The following ZNF451 variants were observed in gnomAD, a reference collection of about 807,000 sequenced individuals.
ZNF451 encodes the protein zinc finger protein 451.
In ZNF451, 80 loss-of-function variants were observed where a neutral mutation model predicts 107.1. That is an observed-to-expected ratio of 0.75 (90% CI 0.62 to 0.90). ZNF451 has a LOEUF of 0.90. Among genes scored for constraint, ZNF451 ranks in the 40% least tolerant of loss-of-function variants. The pLI, the probability that ZNF451 is intolerant of heterozygous loss-of-function variation, is 0.00. For synonymous variants in ZNF451, 362 were observed against 406.5 expected, an observed-to-expected ratio of 0.89 and a Z score of 1.32; for missense variants, 1,107 against 1,236.2, an observed-to-expected ratio of 0.90 and a Z score of 1.57.
intron 12 of ZNF451, 131 bp downstream of exon 12, chr6:57,152,482 G>A: frequency 2.9e-6 from 3 of 1,033,430 alleles, no homozygotes; most frequent in Non-Finnish European, 4.2e-6. Context: ...CTATTATGAA[G>A]GCAGGACCCC....
intron 3 of ZNF451, chr6:57,099,372 A>G: frequency 1.5e-6 from 1 of 671,206 alleles, no homozygotes. Flanking sequence ...TGGGAAATTC[A>G]GAGCCTTAGA....
intron 9 of ZNF451, among the ~76,000 whole-genome samples, chr6:57,146,347 T>C (rs1020841158): frequency 4.6e-5 from 7 of 152,180 alleles, no homozygotes; most frequent in African/African-American, 1.7e-4. Flanking sequence ...ATTTTTTGCC[T>C]AGGCCATTGT....
intron 7 of ZNF451, among the ~76,000 whole-genome samples, chr6:57,138,180 G>A (rs1001091242): frequency 6.6e-5 from 10 of 151,750 alleles, no homozygotes; most frequent in Non-Finnish European, 1.2e-4. Flanking sequence ...CTAGTGCACT[G>A]CACCATTTTA....
chr6:57,119,452 A>C (rs1830529918), intron 3 of ZNF451, among the ~76,000 whole-genome samples: 1 of 152,106 alleles, frequency 6.6e-6, no homozygotes, highest in Non-Finnish European at 1.5e-5. Flanking sequence ...TGAACCTGGG[A>C]GGCAGAGGTT....
intron 13 of ZNF451, among the ~76,000 whole-genome samples, chr6:57,158,358 C>T (rs537260877): frequency 4.0e-5 from 6 of 149,088 alleles, no homozygotes; most frequent in South Asian, 2.1e-4. Flanking sequence ...AGGAAGAATG[C>T]GCTTTTTTTT....
At chr6:57,104,835 G>GT in intron 3 of ZNF451, 4 of 985,354 alleles carry the variant, frequency 4.1e-6, no homozygotes, top group Non-Finnish European at 4.8e-6. Context: ...CAGATACTCT[G>GT]TTTTCCTGGA....
intron 14 of ZNF451, chr6:57,164,950 C>G (rs1763830748): frequency 6.6e-6 from 1 of 152,172 alleles, no homozygotes; most frequent in African/African-American, 2.4e-5. Context: ...TAATTTCAAT[C>G]TGAGAGATTC....
chr6:57,099,575 G>C, intron 3 of ZNF451: 2 of 712,976 alleles, frequency 2.8e-6, no homozygotes, highest in African/African-American at 1.7e-5. Context: ...AATGGAAAGT[G>C]GGGGAAGGGT....
chr6:57,099,378 T>G (rs1829478361), intron 3 of ZNF451: 1 of 698,140 alleles, frequency 1.4e-6, no homozygotes, highest in Non-Finnish European at 2.6e-6. Context: ...ATTCAGAGCC[T>G]TAGAGGTGAT....
chr6:57,105,184 C>T (rs905055340), intron 3 of ZNF451: 4 of 985,164 alleles, frequency 4.1e-6, no homozygotes, highest in African/African-American at 1.7e-5. Context: ...CAACCTCTAA[C>T]GTTTAAATAC....
chr6:57,139,879 CA>C (rs768380589), intron 7 of ZNF451, among the ~76,000 whole-genome samples: 2 of 151,792 alleles, frequency 1.3e-5, no homozygotes. Flanking sequence ...CTTGCCTTTA[CA>C]AAAAATAAAA....
At chr6:57,105,906 G>A (rs1016290503) in intron 3 of ZNF451, 18 of 983,906 alleles carry the variant, frequency 1.8e-5, no homozygotes, top group Admixed American at 6.2e-5. Flanking sequence ...TTTTTAAACC[G>A]TGTGGCAGCT....
chr6:57,151,186 C>A (rs1189608999), intron 11 of ZNF451: 2 of 175,478 alleles, frequency 1.1e-5, no homozygotes, highest in Non-Finnish European at 2.4e-5. Flanking sequence ...ATGGTGAAAC[C>A]CCGTCTCTAC....
At chr6:57,105,878 A>G in intron 3 of ZNF451, 1 of 984,294 alleles carries the variant, frequency 1.0e-6, no homozygotes, top group African/African-American at 1.7e-5. Context: ...TATCAGTATA[A>G]TTACATTTAA....
At chr6:57,139,065 G>A (rs1384960586) in intron 7 of ZNF451, among the ~76,000 whole-genome samples, 1 of 151,930 alleles carries the variant, frequency 6.6e-6, no homozygotes, top group Non-Finnish European at 1.5e-5. Flanking sequence ...TCTTCAAGTA[G>A]GAGAAATATG....
chr6:57,105,182 A>G, intron 3 of ZNF451: 1 of 985,354 alleles, frequency 1.0e-6, no homozygotes, highest in Non-Finnish European at 1.2e-6. Flanking sequence ...GCCAACCTCT[A>G]ACGTTTAAAT....
At chr6:57,108,302 C>T (rs1829962855) in intron 3 of ZNF451, 6 of 985,296 alleles carry the variant, frequency 6.1e-6, no homozygotes, top group Admixed American at 6.2e-5. Context: ...GGCTCTATCA[C>T]AGCATTTACT....
intron 9 of ZNF451, among the ~76,000 whole-genome samples, chr6:57,146,541 A>G (rs148109369): frequency 1.3e-5 from 2 of 152,048 alleles, no homozygotes; most frequent in African/African-American, 4.8e-5. Flanking sequence ...CCCAGTGTCT[A>G]TTTTTGTCAA....
Position 57,154,025 on chromosome 6 carries a change from TA to T in ZNF451, c.3049del (p.Ser1017AlafsTer22). 6.2e-7 allele frequency: 1 copy of T among 1,614,146 alleles called. No individual in the cohort carries two copies. Among genetic ancestry groups the T allele is most frequent in the Non-Finnish European group, 8.5e-7 (1 of 1,180,034 alleles). ...EGDMMCALLN[S>X]ISDTTKECDS... ...GAGATATGATGTGTGCCTTGTTAAATAGCATATCTGATACCACCAAAGGTAC... is the reference window on the plus strand; with the variant it reads ...GAGATATGATGTGTGCCTTGTTAAATGCATATCTGATACCACCAAAGGTAC... On this transcript the variant is annotated frameshift_variant, in exon 13 of 15. Transcript: ENST00000370706. LOFTEE classifies it high-confidence loss of function.
Sources: gnomAD v4.1 joint callset for allele counts (sites outside exome capture counted in the v4.1 genomes callset) on GRCh38, gnomAD v4.1.1 for gene constraint, MANE v1.5 for transcripts, NCBI Gene and HGNC (gene_info 2026-07-23, HGNC 2026-07-21) for gene names.